HMOX2: variants seen among roughly 807,000 people sequenced by gnomAD.
The protein encoded by HMOX2 is heme oxygenase 2.
A neutral mutation model predicts 33.7 loss-of-function variants in HMOX2; 30 were observed. The observed-to-expected ratio is 0.89, with a 90% CI of 0.67 to 1.21. The LOEUF is 1.21. Ranked by LOEUF, HMOX2 falls within the 50% of genes most tolerant of loss-of-function variation. HMOX2 has a pLI of 0.00. For missense variants in HMOX2, 403 were observed against 399.1 expected (o/e 1.01, Z -0.08); for synonymous variants, 155 against 155.0 (o/e 1.00, Z 0.00).
At position 4,480,597 on chromosome 16, in the gene HMOX2, G is replaced by A. The variant is rs577858335; in HGVS notation, c.-42+4110G>A. 1.4e-4 allele frequency among the ~76,000 whole-genome samples: 21 copies of A among 151,088 alleles called. No individual in the cohort carries two copies. The South Asian group carries it at 4.4e-3, about 32-fold the overall frequency. On this transcript the variant is annotated intron_variant, in intron 1 of 5. Transcript: ENST00000570646. ...TGACCTCAAGTGGTCCACCCACTTTGGCCTCCCAATTAGAATTAGAGGTGG... is the reference window on the plus strand; with the variant it reads ...TGACCTCAAGTGGTCCACCCACTTTAGCCTCCCAATTAGAATTAGAGGTGG...
intron 4 of HMOX2, 64 bp downstream of exon 4, chr16:4,508,268 C>T (rs1237413279): frequency 6.6e-7 from 1 of 1,507,794 alleles, no homozygotes; most frequent in African/African-American, 1.4e-5. Flanking sequence ...GTAGCAGATC[C>T]ATAGTGGCCC....
chr16:4,489,724 G>T (rs900571038), intron 1 of HMOX2, among the ~76,000 whole-genome samples: 4 of 152,128 alleles, frequency 2.6e-5, no homozygotes, highest in Admixed American at 6.5e-5. Flanking sequence ...CTCCCAAGGC[G>T]CTGGGATTAC....
At chr16:4,492,710 T>C (rs2058333502) in intron 1 of HMOX2, among the ~76,000 whole-genome samples, 2 of 151,684 alleles carry the variant, frequency 1.3e-5, no homozygotes, top group South Asian at 2.1e-4. Flanking sequence ...AGAGTGAGAC[T>C]CTGTCTCAAA....
chr16:4,492,711 C>T (rs1029874250), intron 1 of HMOX2, among the ~76,000 whole-genome samples: 4 of 151,842 alleles, frequency 2.6e-5, no homozygotes, highest in African/African-American at 9.7e-5. Context: ...GAGTGAGACT[C>T]TGTCTCAAAA....
intron 1 of HMOX2, among the ~76,000 whole-genome samples, chr16:4,481,280 C>T (rs1187523137): frequency 2.8e-5 from 4 of 144,910 alleles, no homozygotes; most frequent in African/African-American, 7.8e-5. Flanking sequence ...ACCCGGGAGG[C>T]GGAGCTTGCA....
intron 1 of HMOX2, among the ~76,000 whole-genome samples, chr16:4,487,770 A>C (rs1206967084): frequency 6.7e-6 from 1 of 149,856 alleles, no homozygotes; most frequent in Non-Finnish European, 1.5e-5. Flanking sequence ...CCTGGGAGAC[A>C]GAGCGAGACT....
At position 4,507,769 on chromosome 16, in the gene HMOX2, C is replaced by T; in HGVS notation, c.261C>T (p.Arg87=). The change falls in exon 4 of 6, where the codon CGC becomes CGT. Residue 87 remains arginine, a synonymous_variant. Transcript: ENST00000570646. ...TYSALEEEME[R]NKDHPAFAPL... ...CAGCCCTCGAGGAGGAAATGGAGCG[C>T]AACAAGGACCATCCAGCCTTTGCCC... 1 of 1,614,182 alleles carries T rather than the reference C, an allele frequency of 6.2e-7. No individual in the cohort carries two copies. Among genetic ancestry groups the T allele is most frequent in the Non-Finnish European group, 8.5e-7 (1 of 1,180,038 alleles).
chr16:4,507,202 T>C (rs893869236), intron 3 of HMOX2, among the ~76,000 whole-genome samples, 190 bp downstream of exon 3: 1 of 152,104 alleles, frequency 6.6e-6, no homozygotes, highest in Non-Finnish European at 1.5e-5. Flanking sequence ...CCCAGCACTT[T>C]GGGAGGCCGA....
At chr16:4,480,545 A>G (rs182557821) in intron 1 of HMOX2, among the ~76,000 whole-genome samples, 2 of 151,806 alleles carry the variant, frequency 1.3e-5, no homozygotes, top group African/African-American at 4.8e-5. Flanking sequence ...GGGTTTCACC[A>G]TGCTGGCCAG....
At chr16:4,487,665 T>G (rs1185904245) in intron 1 of HMOX2, among the ~76,000 whole-genome samples, 2 of 151,918 alleles carry the variant, frequency 1.3e-5, no homozygotes, top group Non-Finnish European at 2.9e-5. Context: ...CTGGGCGTGG[T>G]GGCTGGCGCC....
intron 1 of HMOX2, among the ~76,000 whole-genome samples, chr16:4,480,999 G>T (rs1314913815): frequency 1.3e-5 from 2 of 151,386 alleles, no homozygotes; most frequent in African/African-American, 4.8e-5. Context: ...GTCTGAGATA[G>T]AGGGCCTACT....
intron 2 of HMOX2, 43 bp from the exon 3 acceptor site, chr16:4,506,852 G>A: frequency 7.1e-7 from 1 of 1,405,040 alleles, no homozygotes; most frequent in Non-Finnish European, 1.0e-6. Flanking sequence ...TGGAAAGCTG[G>A]GAAGGGCTAA....
At chr16:4,480,733 A>G (rs1254914528) in intron 1 of HMOX2, among the ~76,000 whole-genome samples, 2 of 150,110 alleles carry the variant, frequency 1.3e-5, no homozygotes, top group Non-Finnish European at 3.0e-5. Flanking sequence ...GTTCACTGCA[A>G]CTTCCACCTC....
intron 4 of HMOX2, 99 bp from the exon 5 acceptor site, chr16:4,509,313 T>TAG: frequency 6.8e-7 from 1 of 1,471,090 alleles, no homozygotes; most frequent in Non-Finnish European, 9.1e-7. Flanking sequence ...CACTGCACTC[T>TAG]AGCCTGGGCA....
intron 1 of HMOX2, among the ~76,000 whole-genome samples, chr16:4,478,773 A>T (rs1488111236): frequency 1.3e-5 from 2 of 151,556 alleles, no homozygotes; most frequent in African/African-American, 4.8e-5. Context: ...CTCAAAAAAA[A>T]AAAAAAGAAA....
At chr16:4,476,913 T>C (rs2057865016) in intron 1 of HMOX2, among the ~76,000 whole-genome samples, 1 of 152,166 alleles carries the variant, frequency 6.6e-6, no homozygotes, top group African/African-American at 2.4e-5. Flanking sequence ...GGAGCCCGGC[T>C]TGGCTGTTTC....
At chr16:4,487,941 A>C (rs1217309849) in intron 1 of HMOX2, among the ~76,000 whole-genome samples, 12 of 146,086 alleles carry the variant, frequency 8.2e-5, no homozygotes, top group Non-Finnish European at 1.3e-4. Context: ...ACAAGAGCGA[A>C]ACTCTGTCTC....
At position 4,509,051 on chromosome 16, in the gene HMOX2, G is replaced by A. The variant is rs545303908; in HGVS notation, c.697-361G>A. 3.3e-5 allele frequency among the ~76,000 whole-genome samples: 5 copies of A among 152,310 alleles called. No homozygotes were observed. The South Asian group carries it at 6.2e-4, about 19-fold the overall frequency. ...CTCCAGCTCACTCTCTCTGGAGGGC[G>A]TCCTCTAAAAGGAGAGTGTAGCCAG... On this transcript the variant is annotated intron_variant, in intron 4 of 5. Transcript: ENST00000570646.
chr16:4,484,460 C>CTTT (rs58092240), intron 1 of HMOX2, among the ~76,000 whole-genome samples: 1 of 118,252 alleles, frequency 8.5e-6, no homozygotes, highest in Non-Finnish European at 1.7e-5. Flanking sequence ...CTTTTCTTTT[C>CTTT]TTTTTTTTTT....
Sources: allele counts gnomAD v4.1 joint callset (sites outside exome capture counted in the v4.1 genomes callset), GRCh38; gene constraint gnomAD v4.1.1; transcripts MANE v1.5; gene names NCBI Gene and HGNC (gene_info 2026-07-23, HGNC 2026-07-21).